Variants in FRAS1 observed in about 807,000 individuals in gnomAD.
The protein encoded by FRAS1 is Fraser extracellular matrix complex subunit 1, also known as extracellular matrix organizing protein FRAS1.
FRAS1 carries 290 observed loss-of-function variants against 435.2 expected under a neutral mutation model. That is an observed-to-expected ratio of 0.67 (90% CI 0.61 to 0.73). The LOEUF is 0.73. Ranked by LOEUF, FRAS1 falls within the 30% of genes least tolerant of loss-of-function variation. FRAS1 has a pLI of 0.00. For synonymous variants in FRAS1, 1,800 were observed against 1,851.0 expected (o/e 0.97, Z 0.71); for missense variants, 4,860 against 5,001.5 (o/e 0.97, Z 0.85).
At chr4:78,411,513 T>A (rs924901536) in intron 31 of FRAS1, among the ~76,000 whole-genome samples, 18 of 152,202 alleles carry the variant, frequency 1.2e-4, no homozygotes, top group Non-Finnish European at 2.4e-4. Flanking sequence ...ACATATGTAA[T>A]GCCAGTGGGA....
intron 18 of FRAS1, chr4:78,319,750 A>G (rs1729425069): frequency 1.0e-5 from 2 of 195,026 alleles, no homozygotes; most frequent in South Asian, 1.9e-4. Context: ...AACAGTAAGC[A>G]TGCTGCAAAT....
chr4:78,181,715 C>G, intron 2 of FRAS1: 1 of 1,610,566 alleles, frequency 6.2e-7, no homozygotes, highest in South Asian at 1.1e-5. Flanking sequence ...ATCAGGTCTT[C>G]TTCCAACTCG....
chr4:78,140,669 GTGTATA>G (rs1172689509), intron 2 of FRAS1, among the ~76,000 whole-genome samples: 8 of 140,800 alleles, frequency 5.7e-5, no homozygotes, highest in Non-Finnish European at 1.0e-4. Flanking sequence ...ATATACATAT[GTGTATA>G]TGTATATGCA....
chr4:78,149,366 T>C (rs1467073712), intron 2 of FRAS1, among the ~76,000 whole-genome samples: 1 of 152,134 alleles, frequency 6.6e-6, no homozygotes, highest in East Asian at 1.9e-4. Flanking sequence ...ATTATAAAAA[T>C]TATTATAAGG....
At chr4:78,222,419 C>G (rs1051388581) in intron 2 of FRAS1, among the ~76,000 whole-genome samples, 1 of 152,138 alleles carries the variant, frequency 6.6e-6, no homozygotes, top group South Asian at 2.1e-4. Flanking sequence ...AGCTCCTAAC[C>G]ACTAGTCGGG....
chr4:78,250,310 C>T (rs1282780500), intron 4 of FRAS1, among the ~76,000 whole-genome samples: 1 of 152,098 alleles, frequency 6.6e-6, no homozygotes, highest in Non-Finnish European at 1.5e-5. Context: ...TATGTTTTAA[C>T]ATAATTGGAA....
chr4:78,493,486 A>G (rs766519357), intron 59 of FRAS1, among the ~76,000 whole-genome samples: 3 of 152,194 alleles, frequency 2.0e-5, no homozygotes, highest in Non-Finnish European at 4.4e-5. Context: ...AAAAAAAAAG[A>G]TGAGTTCATT....
chr4:78,316,957 G>C (rs142949228), intron 16 of FRAS1, among the ~76,000 whole-genome samples: 12 of 151,936 alleles, frequency 7.9e-5, no homozygotes, highest in Admixed American at 5.9e-4. Context: ...GTGAGGTTTA[G>C]GTCCAGACAG....
At chr4:78,526,853 T>C (rs1351836815) in intron 70 of FRAS1, among the ~76,000 whole-genome samples, 196 bp downstream of exon 70, 1 of 152,222 alleles carries the variant, frequency 6.6e-6, no homozygotes, top group African/African-American at 2.4e-5. Context: ...GGTGATACTC[T>C]GCCTTCTTGT....
chr4:78,261,478 C>T (rs927451844), intron 6 of FRAS1, among the ~76,000 whole-genome samples: 3 of 152,040 alleles, frequency 2.0e-5, no homozygotes, highest in South Asian at 2.1e-4. Context: ...TTTGAGTAAA[C>T]GGGAGTAGCA....
In FRAS1 at chr4:78,341,668, G is replaced by C. The variant is rs543880045; in HGVS notation, c.2422+3851G>C. 9.2e-5 allele frequency among the ~76,000 whole-genome samples: 14 copies of C among 152,224 alleles called. No individual in the cohort carries two copies. In the South Asian group the frequency reaches 1.7e-3, roughly 18 times the overall value. On this transcript the variant is annotated intron_variant, in intron 20 of 73. Transcript: ENST00000512123. ...GAGGTTGGTGCTCCCTCAGCCCTGGGGGGTAAGGGAGAAGGAGCTTTGCAG... is the reference window on the plus strand; with the variant it reads ...GAGGTTGGTGCTCCCTCAGCCCTGGCGGGTAAGGGAGAAGGAGCTTTGCAG...
chr4:78,241,150 G>A lies in FRAS1; in HGVS notation c.216+3533G>A, dbSNP rs181353965. 3.9e-4 allele frequency among the ~76,000 whole-genome samples: 59 copies of A among 152,292 alleles called. No individual in the cohort carries two copies. The East Asian group carries it at 9.7e-3, about 25-fold the overall frequency. ...CTTTCAGGAGCTTGACTGAGGGGTGGAAGGAGAGAAGTGGGGCCTTAGGTA... is the reference window on the plus strand; with the variant it reads ...CTTTCAGGAGCTTGACTGAGGGGTGAAAGGAGAGAAGTGGGGCCTTAGGTA... On this transcript the variant is annotated intron_variant, in intron 3 of 73. Transcript: ENST00000512123.
intron 18 of FRAS1, chr4:78,319,587 A>G (rs1192587482): frequency 1.3e-5 from 4 of 308,318 alleles, no homozygotes; most frequent in Non-Finnish European, 2.6e-5. Flanking sequence ...GTGAAAAAAA[A>G]ATCATTAGTT....
At chr4:78,144,292 A>G (rs983882842) in intron 2 of FRAS1, among the ~76,000 whole-genome samples, 21 of 152,276 alleles carry the variant, frequency 1.4e-4, no homozygotes, top group Non-Finnish European at 2.6e-4. Flanking sequence ...TCAAAAGTTA[A>G]TGTTTTGGAA....
At chr4:78,243,868 C>A (rs546796436) in intron 3 of FRAS1, among the ~76,000 whole-genome samples, 47 of 152,206 alleles carry the variant, frequency 3.1e-4, no homozygotes, top group African/African-American at 1.1e-3. Flanking sequence ...GTTAGACTAT[C>A]AACACTTAGA....
chr4:78,255,943 A>G (rs1297179776), intron 6 of FRAS1, among the ~76,000 whole-genome samples: 1 of 152,214 alleles, frequency 6.6e-6, no homozygotes, highest in Non-Finnish European at 1.5e-5. Context: ...TTGTAAATAA[A>G]TGTGGTATAC....
At chr4:78,172,850 T>C (rs1210224847) in intron 2 of FRAS1, among the ~76,000 whole-genome samples, 5 of 152,000 alleles carry the variant, frequency 3.3e-5, no homozygotes, top group Admixed American at 6.6e-5. Flanking sequence ...TGAAGAGCTC[T>C]TTGGGGCCCC....
chr4:78,367,603 G>T (rs993090191), intron 22 of FRAS1, among the ~76,000 whole-genome samples: 1 of 151,590 alleles, frequency 6.6e-6, no homozygotes, highest in Non-Finnish European at 1.5e-5. Flanking sequence ...CACATTTTTA[G>T]TTACTATCAA....
chr4:78,126,215 G>A (rs1044886545), intron 2 of FRAS1, among the ~76,000 whole-genome samples: 3 of 152,138 alleles, frequency 2.0e-5, no homozygotes, highest in African/African-American at 7.2e-5. Context: ...GCCAGGCACA[G>A]GAGGGGATCT....
Sources: gnomAD v4.1 joint callset for allele counts (sites outside exome capture counted in the v4.1 genomes callset) on GRCh38, gnomAD v4.1.1 for gene constraint, MANE v1.5 for transcripts, NCBI Gene and HGNC (gene_info 2026-07-23, HGNC 2026-07-21) for gene names.